The following TMC1 variants were observed in gnomAD, a reference collection of about 807,000 sequenced individuals.
TMC1 encodes transmembrane channel like 1, also known as transmembrane channel-like protein 1.
Under a neutral mutation model 105.8 loss-of-function variants are expected in TMC1, and 84 were observed. The observed-to-expected ratio is 0.79, with a 90% CI of 0.67 to 0.95. The LOEUF (loss-of-function observed/expected upper bound fraction) is 0.95, where lower values mean the gene tolerates loss of function less well. Among genes scored for constraint, TMC1 ranks in the 40% least tolerant of loss-of-function variants. The pLI is 0.00. For synonymous variants in TMC1, 315 were observed against 311.5 expected (o/e 1.01, Z -0.12); for missense variants, 817 against 914.1 (o/e 0.89, Z 1.37).
chr9:72,778,584 G>A (rs1363570048), intron 13 of TMC1, among the ~76,000 whole-genome samples: 1 of 152,130 alleles, frequency 6.6e-6, no homozygotes, highest in African/African-American at 2.4e-5. Context: ...AGAGGATTTG[G>A]CAAAGGAAGG....
chr9:72,577,136 T>TTTG (rs1405824054), intron 1 of TMC1, among the ~76,000 whole-genome samples: 1 of 152,256 alleles, frequency 6.6e-6, no homozygotes, highest in Non-Finnish European at 1.5e-5. Context: ...TCAAATCCGC[T>TTTG]GATTACTCCT....
intron 4 of TMC1, among the ~76,000 whole-genome samples, chr9:72,638,348 C>G (rs1284895902): frequency 6.6e-6 from 1 of 152,114 alleles, no homozygotes; most frequent in African/African-American, 2.4e-5. Context: ...TTGAAACTTC[C>G]TTTCCTTGGC....
At chr9:72,830,581 T>C in intron 22 of TMC1, 50 bp from the exon 23 acceptor site, 1 of 1,603,828 alleles carries the variant, frequency 6.2e-7, no homozygotes. Context: ...TGTCAAGCAG[T>C]AGAAAACACT....
At chr9:72,791,081 A>G (rs924524651) in intron 15 of TMC1, among the ~76,000 whole-genome samples, 4 of 152,112 alleles carry the variant, frequency 2.6e-5, no homozygotes, top group African/African-American at 9.7e-5. Context: ...CATGTTTTGG[A>G]TTCTTTTTAT....
intron 5 of TMC1, among the ~76,000 whole-genome samples, chr9:72,655,110 G>T (rs1357271603): frequency 6.6e-6 from 1 of 152,128 alleles, no homozygotes; most frequent in Non-Finnish European, 1.5e-5. Context: ...AATAATGAGT[G>T]AGTCTCATGA....
intron 2 of TMC1, among the ~76,000 whole-genome samples, chr9:72,594,504 C>G (rs1824688006): frequency 6.6e-6 from 1 of 152,162 alleles, no homozygotes; most frequent in Admixed American, 6.5e-5. Context: ...GATCACATAG[C>G]CCTTTCCGGC....
chr9:72,690,780 A>G (rs1826452744), intron 6 of TMC1, among the ~76,000 whole-genome samples: 1 of 152,194 alleles, frequency 6.6e-6, no homozygotes, highest in Middle Eastern at 3.4e-3. Flanking sequence ...CAATTTAAGT[A>G]TAATATGTAT....
chr9:72,781,779 G>A (rs1206666531), intron 13 of TMC1, among the ~76,000 whole-genome samples: 8 of 152,066 alleles, frequency 5.3e-5, no homozygotes, highest in African/African-American at 9.7e-5. Context: ...TTGAAACCCT[G>A]AACAGACCAA....
At chr9:72,676,369 G>A (rs1207629341) in intron 5 of TMC1, among the ~76,000 whole-genome samples, 1 of 152,082 alleles carries the variant, frequency 6.6e-6, no homozygotes, top group African/African-American at 2.4e-5. Flanking sequence ...GATTAAAGAT[G>A]CCAAAAATTT....
intron 8 of TMC1, 90 bp downstream of exon 8, chr9:72,700,733 T>C: frequency 1.7e-5 from 3 of 172,358 alleles, no homozygotes; most frequent in Non-Finnish European, 2.7e-5. Flanking sequence ...TATATATATA[T>C]ATATATATAT....
intron 4 of TMC1, among the ~76,000 whole-genome samples, chr9:72,646,575 G>T (rs1220608145): frequency 6.6e-5 from 10 of 151,426 alleles, no homozygotes; most frequent in African/African-American, 2.2e-4. Flanking sequence ...TGATATTACT[G>T]TTCATGTTTT....
chr9:72,599,032 T>C (rs1824764252), intron 2 of TMC1, among the ~76,000 whole-genome samples: 1 of 151,560 alleles, frequency 6.6e-6, no homozygotes, highest in African/African-American at 2.4e-5. Context: ...TTTCCCACTA[T>C]TTTTTTTTCT....
intron 18 of TMC1, 67 bp from the exon 19 acceptor site, chr9:72,816,076 A>G (rs1828782804): frequency 4.9e-6 from 7 of 1,432,272 alleles, no homozygotes; most frequent in African/African-American, 1.4e-5. Context: ...ATGCCTATGC[A>G]GAACAATTTG....
intron 1 of TMC1, among the ~76,000 whole-genome samples, chr9:72,552,501 T>A (rs960255505): frequency 9.2e-5 from 14 of 152,240 alleles, no homozygotes; most frequent in African/African-American, 3.4e-4. Context: ...AACACTGTTG[T>A]ATTTGGGGGA....
intron 1 of TMC1, among the ~76,000 whole-genome samples, chr9:72,537,040 C>T (rs79472337): frequency 0.05 from 7,593 of 152,262 alleles, 302 homozygotes; most frequent in African/African-American, 0.11. Flanking sequence ...AGATTTCACA[C>T]CATGAAGCCA....
intron 17 of TMC1, among the ~76,000 whole-genome samples, chr9:72,794,461 A>G (rs1226928279): frequency 6.6e-6 from 1 of 152,192 alleles, no homozygotes; most frequent in East Asian, 1.9e-4. Context: ...ACTGACCAAT[A>G]TGCCGAAGTG....
intron 4 of TMC1, among the ~76,000 whole-genome samples, chr9:72,638,441 C>T (rs1244812006): frequency 2.0e-5 from 3 of 152,176 alleles, no homozygotes; most frequent in South Asian, 4.1e-4. Context: ...GTGTACCTCT[C>T]GCAGTGTCCA....
chr9:72,830,321 AT>A, intron 21 of TMC1, 129 bp from the exon 22 acceptor site: 1 of 721,700 alleles, frequency 1.4e-6, no homozygotes, highest in Non-Finnish European at 2.4e-6. Context: ...AAGACAAGAG[AT>A]TTAGAGTAGA....
At chr9:72,688,232 T>C (rs916501308) in intron 5 of TMC1, among the ~76,000 whole-genome samples, 23 of 152,312 alleles carry the variant, frequency 1.5e-4, no homozygotes, top group African/African-American at 5.3e-4. Flanking sequence ...AGCATTTTTC[T>C]AAAGACTTTT....
Sources: gnomAD v4.1 joint callset for allele counts (sites outside exome capture counted in the v4.1 genomes callset) on GRCh38, gnomAD v4.1.1 for gene constraint, MANE v1.5 for transcripts, NCBI Gene and HGNC (gene_info 2026-07-23, HGNC 2026-07-21) for gene names.